The following RBM33 variants were observed in gnomAD, a reference collection of about 807,000 sequenced individuals.
RBM33 encodes RNA-binding protein 33.
A neutral mutation model predicts 132.6 loss-of-function variants in RBM33; 28 were observed. That is an observed-to-expected ratio of 0.21 (90% CI 0.16 to 0.29). The LOEUF is 0.29. Among genes scored for constraint, RBM33 ranks in the 10% least tolerant of loss-of-function variants. RBM33 has a pLI of 1.00. For missense variants in RBM33, 1,291 were observed against 1,518.5 expected (o/e 0.85, Z 2.49); for synonymous variants, 634 against 593.0 (o/e 1.07, Z -1.01).
intron 9 of RBM33, among the ~76,000 whole-genome samples, chr7:155,735,717 C>G (rs1585505944): frequency 9.3e-6 from 1 of 108,064 alleles, no homozygotes; most frequent in Admixed American, 9.7e-5. Flanking sequence ...CTCTCTCTCT[C>G]TGTCTCTCTC....
At chr7:155,748,706 C>T (rs900186184) in intron 14 of RBM33, among the ~76,000 whole-genome samples, 3 of 151,002 alleles carry the variant, frequency 2.0e-5, no homozygotes, top group Non-Finnish European at 4.4e-5. Flanking sequence ...ATTATATCGC[C>T]TTTCAGGTGA....
chr7:155,717,323 G>A (rs1800491484), intron 8 of RBM33, among the ~76,000 whole-genome samples: 1 of 152,092 alleles, frequency 6.6e-6, no homozygotes, highest in Non-Finnish European at 1.5e-5. Context: ...CTTGTCGTTG[G>A]CCACCTTCTC....
At chr7:155,723,449 G>A (rs1800684051) in intron 9 of RBM33, among the ~76,000 whole-genome samples, 1 of 152,228 alleles carries the variant, frequency 6.6e-6, no homozygotes, top group African/African-American at 2.4e-5. Flanking sequence ...AGGAGAGAAT[G>A]CAGTTTAAAA....
In RBM33 at chr7:155,741,941, C is replaced by G; in HGVS notation, c.2172C>G (p.Ser724Arg). The change falls in exon 13 of 18, where the codon AGC becomes AGG. Residue 724 changes from serine (S) to arginine (R), a missense_variant. Transcript: ENST00000401878. ...APSHVIEMSS[S>R]RCSATPSAQV... Reference sequence around the variant, plus strand: ...CACACGTGATAGAAATGAGCAGCAGCCGCTGCTCTGCCACGCCCTCAGCAC... The same window carrying G: ...CACACGTGATAGAAATGAGCAGCAGGCGCTGCTCTGCCACGCCCTCAGCAC... The G allele has an allele frequency of 1.9e-6, 3 of 1,614,042 alleles. No homozygotes were observed. The highest frequency in any genetic ancestry group is 1.1e-5 in the South Asian group (1 of 91,080).
chr7:155,656,261 G>A (rs564961873), intron 1 of RBM33, among the ~76,000 whole-genome samples: 90 of 152,308 alleles, frequency 5.9e-4, no homozygotes, highest in Non-Finnish European at 1.1e-3. Flanking sequence ...TTAGCATTTG[G>A]AGTACTACAT....
At chr7:155,768,886 T>C (rs1254130741) in intron 16 of RBM33, among the ~76,000 whole-genome samples, 1 of 152,234 alleles carries the variant, frequency 6.6e-6, no homozygotes, top group East Asian at 1.9e-4. Context: ...GTGCTGGGAT[T>C]ACAGGTGTGA....
intron 5 of RBM33, among the ~76,000 whole-genome samples, chr7:155,697,566 CTCTA>C (rs1055400605): frequency 9.9e-5 from 15 of 151,870 alleles, no homozygotes; most frequent in African/African-American, 2.2e-4. Flanking sequence ...CTCTCTCTCT[CTCTA>C]TATATATAGA....
Position 155,738,256 on chromosome 7 carries a change from A to G in RBM33, c.1590A>G (p.Pro530=). The change falls in exon 11 of 18, where the codon CCA becomes CCG. Residue 530 remains proline, a synonymous_variant. Transcript: ENST00000401878. ...TCCCAAGAGAGCGGCCCGTACGACC[A>G]GCCTTGCAGCCTCCAGGTCCGGTGG... ...PVFPRERPVR[P]ALQPPGPVGI... The G allele has an allele frequency of 6.2e-7, 1 of 1,614,006 alleles. No homozygotes were observed. Among genetic ancestry groups the G allele is most frequent in the South Asian group, 1.1e-5 (1 of 91,078 alleles).
chr7:155,737,701 CTG>C, intron 10 of RBM33, 39 bp downstream of exon 10: 1 of 1,514,982 alleles, frequency 6.6e-7, no homozygotes, highest in Non-Finnish European at 8.8e-7. Flanking sequence ...ACAACAGAAG[CTG>C]CATTGGGTGA....
At chr7:155,715,205 AG>A (rs1251141384) in intron 8 of RBM33, among the ~76,000 whole-genome samples, 1 of 152,190 alleles carries the variant, frequency 6.6e-6, no homozygotes, top group Non-Finnish European at 1.5e-5. Context: ...TGAATGGGGA[AG>A]GGTGGCTTTC....
rs956289898 is a variant in RBM33, at chr7:155,740,119, C to T, written c.2049+93C>T. 21 of 1,413,470 alleles carry T rather than the reference C, an allele frequency of 1.5e-5. No individual in the cohort carries two copies. The African/African-American group carries it at 2.8e-4, about 19-fold the overall frequency. 87.6% of individuals were successfully genotyped at this position (1,413,470 alleles called of 1,614,324 possible). A position where few individuals can be genotyped will look rare whatever the true frequency, so the allele number is the denominator to read the frequency against. On this transcript the variant is annotated intron_variant, in intron 12 of 17. Transcript: ENST00000401878. ...CATAATATGTAGGTTAGAATATTTTCCAGTTCTGATTTCTGTTTATAAAAT... is the reference window on the plus strand; with the variant it reads ...CATAATATGTAGGTTAGAATATTTTTCAGTTCTGATTTCTGTTTATAAAAT...
intron 5 of RBM33, among the ~76,000 whole-genome samples, chr7:155,691,283 A>G (rs1454733734): frequency 6.6e-6 from 1 of 152,170 alleles, no homozygotes; most frequent in Non-Finnish European, 1.5e-5. Flanking sequence ...TTGTGCAGTC[A>G]TCACGTAGTT....
chr7:155,736,151 A>G (rs1435487047), intron 9 of RBM33, among the ~76,000 whole-genome samples: 10 of 152,228 alleles, frequency 6.6e-5, no homozygotes, highest in African/African-American at 2.4e-4. Context: ...TATTCTGTCA[A>G]TGCCATGGGT....
At chr7:155,769,786 G>C (rs1802353994) in intron 16 of RBM33, among the ~76,000 whole-genome samples, 1 of 152,094 alleles carries the variant, frequency 6.6e-6, no homozygotes, top group African/African-American at 2.4e-5. Context: ...GGACAATTGA[G>C]AAAGAAAACA....
chr7:155,741,280 C>G (rs73167164), intron 12 of RBM33, among the ~76,000 whole-genome samples: 9,720 of 151,292 alleles, frequency 0.064, 476 homozygotes, highest in African/African-American at 0.14. Flanking sequence ...TTGGTTCTCT[C>G]TTAAGAATCC....
Position 155,742,186 on chromosome 7 carries a change from C to T in RBM33, c.2337+80C>T, listed in dbSNP as rs945238050. Reference sequence around the variant, plus strand: ...CAACTTGGATGTCTTAGTTCACTCTCACTAAGTTATTCACAAAATCTTCCC... The same window carrying T: ...CAACTTGGATGTCTTAGTTCACTCTTACTAAGTTATTCACAAAATCTTCCC... On this transcript the variant is annotated intron_variant, in intron 13 of 17. Transcript: ENST00000401878. 3.1e-6 allele frequency: 4 copies of T among 1,295,800 alleles called. No individual in the cohort carries two copies. The African/African-American group carries it at 4.5e-5, about 15-fold the overall frequency. 80.3% of individuals were successfully genotyped at this position (1,295,800 alleles called of 1,614,324 possible).
rs1000660173 is a variant in RBM33 at position 155,779,765 on chromosome 7, ACTCT to A, written c.*4729_*4732del. The A allele has an allele frequency of 4.0e-5, 6 of 151,706 alleles. No homozygotes were observed. The allele number at this position is 151,706 out of a possible 1,614,324, so 9.4% of individuals were successfully genotyped here. A position where few individuals can be genotyped will look rare whatever the true frequency, so the allele number is the denominator to read the frequency against. ...GCTAGAAAATGCTTTTAATGTCTCA[ACTCT>A]CTCTTTTCTGTGTCATGTTTTGGTA... is the stretch of plus-strand genomic sequence containing the variant. On this transcript the variant is annotated 3_prime_UTR_variant, in exon 18 of 18. Coordinates refer to ENST00000401878, the MANE Select transcript of RBM33 (RefSeq NM_053043.3).
chr7:155,672,316 G>T (rs1204579167), intron 2 of RBM33, among the ~76,000 whole-genome samples: 2 of 152,008 alleles, frequency 1.3e-5, no homozygotes, highest in Non-Finnish European at 2.9e-5. Context: ...CCATATTAAG[G>T]TACAAAACTA....
chr7:155,662,261 A>T (rs1798672850), intron 1 of RBM33, among the ~76,000 whole-genome samples: 1 of 152,120 alleles, frequency 6.6e-6, no homozygotes, highest in Admixed American at 6.5e-5. Flanking sequence ...CTTTGAATGG[A>T]TACTGTCCAT....
Sources: allele counts gnomAD v4.1 joint callset (sites outside exome capture counted in the v4.1 genomes callset), GRCh38; gene constraint gnomAD v4.1.1; transcripts MANE v1.5; gene names NCBI Gene and HGNC (gene_info 2026-07-23, HGNC 2026-07-21).